The following ELOVL6 variants were observed in gnomAD, a reference collection of about 807,000 sequenced individuals.
ELOVL6 encodes the protein very long chain fatty acid elongase 6.
Under a neutral mutation model 31.7 loss-of-function variants are expected in ELOVL6, and 8 were observed. That is an observed-to-expected ratio of 0.25 (90% CI 0.15 to 0.45). The LOEUF (loss-of-function observed/expected upper bound fraction) is 0.45. Among genes scored for constraint, ELOVL6 ranks in the 20% least tolerant of loss-of-function variants. ELOVL6 has a pLI of 1.00. For missense variants in ELOVL6, 126 were observed against 326.4 expected (o/e 0.39, Z 4.73); for synonymous variants, 101 against 117.7 (o/e 0.86, Z 0.92).
At chr4:110,078,218 A>G (rs1053572867) in intron 2 of ELOVL6, among the ~76,000 whole-genome samples, 5 of 152,354 alleles carry the variant, frequency 3.3e-5, no homozygotes, top group Admixed American at 6.5e-5. Context: ...GACAACATTC[A>G]TATTCAGGAA....
At chr4:110,093,362 A>C (rs1303468048) in intron 2 of ELOVL6, among the ~76,000 whole-genome samples, 1 of 152,216 alleles carries the variant, frequency 6.6e-6, no homozygotes, top group Non-Finnish European at 1.5e-5. Flanking sequence ...TATAAATAGA[A>C]AGGAAAATTA....
intron 2 of ELOVL6, among the ~76,000 whole-genome samples, chr4:110,078,900 C>T (rs1375793389): frequency 6.6e-6 from 1 of 151,970 alleles, no homozygotes; most frequent in Non-Finnish European, 1.5e-5. Context: ...GGAAGATCTA[C>T]CAAGCAAATG....
rs1335309273 is a variant in ELOVL6 at position 110,046,900 on chromosome 4, G to A, written c.*4438C>T. ...AATGTGTATACACTACTGGCCAAAT[G>A]TGGTGGTGGATCTTGGCAAAGTCTC... On this transcript the variant is annotated 3_prime_UTR_variant, in exon 4 of 4. Coordinates refer to ENST00000302274, the MANE Select transcript of ELOVL6 (RefSeq NM_024090.3). 2 of 152,222 alleles carry A rather than the reference G, an allele frequency of 1.3e-5. No homozygotes were observed. The highest frequency in any genetic ancestry group is 2.9e-5 in the Non-Finnish European group (2 of 68,054). The allele number at this position is 152,222 out of a possible 1,614,324, so 9.4% of individuals were successfully genotyped here.
At chr4:110,190,152 T>G (rs1759571484) in intron 1 of ELOVL6, among the ~76,000 whole-genome samples, 1 of 152,082 alleles carries the variant, frequency 6.6e-6, no homozygotes, top group Admixed American at 6.6e-5. Context: ...TACAAAACTA[T>G]GAGTGATTTT....
intron 2 of ELOVL6, among the ~76,000 whole-genome samples, chr4:110,094,444 AT>A (rs1469518386): frequency 0.27 from 8,775 of 32,712 alleles, 831 homozygotes; most frequent in African/African-American, 0.4. Context: ...TATATATATA[AT>A]ATATATAACA....
intron 1 of ELOVL6, among the ~76,000 whole-genome samples, chr4:110,114,285 C>T (rs1007353018): frequency 6.6e-6 from 1 of 152,014 alleles, no homozygotes; most frequent in African/African-American, 2.4e-5. Flanking sequence ...TTTTATTGGG[C>T]TTGAAGTTAC....
rs564021356 is a variant in ELOVL6 at position 110,159,403 on chromosome 4, G to A, written c.89+38844C>T. 2.6e-5 allele frequency among the ~76,000 whole-genome samples: 4 copies of A among 152,024 alleles called. No homozygotes were observed. The South Asian group carries it at 6.2e-4, about 24-fold the overall frequency. On this transcript the variant is annotated intron_variant, in intron 1 of 3. Transcript: ENST00000302274. ...TTAATCATGTAAAGTAGAAAAAGAA[G>A]TTATCTTTCAATTAAATTTGTATGG... is the stretch of plus-strand genomic sequence containing the variant.
At chr4:110,083,290 C>T (rs1285408939) in intron 2 of ELOVL6, among the ~76,000 whole-genome samples, 1 of 151,660 alleles carries the variant, frequency 6.6e-6, no homozygotes, top group African/African-American at 2.4e-5. Context: ...GCAAGAAGGT[C>T]GTCTTCTGAC....
At chr4:110,177,044 T>C (rs1008499410) in intron 1 of ELOVL6, among the ~76,000 whole-genome samples, 4 of 152,196 alleles carry the variant, frequency 2.6e-5, no homozygotes, top group Admixed American at 1.3e-4. Flanking sequence ...TCTTTGTCAT[T>C]TAAGAGTTGG....
rs773970795 is a variant in ELOVL6, at chr4:110,047,130, G to A, written c.*4208C>T. On this transcript the variant is annotated 3_prime_UTR_variant, in exon 4 of 4. Coordinates refer to ENST00000302274, the MANE Select transcript of ELOVL6 (RefSeq NM_024090.3). ...ATTTGACTACTGGGACATTCTGGGT[G>A]CTTATAAAATTTTGACATGATATTA... is the stretch of plus-strand genomic sequence containing the variant. 1 of 152,110 alleles carries A rather than the reference G, an allele frequency of 6.6e-6. No individual in the cohort carries two copies. Among genetic ancestry groups the A allele is most frequent in the Non-Finnish European group, 1.5e-5 (1 of 68,032 alleles). 9.4% of individuals were successfully genotyped at this position (152,110 alleles called of 1,614,324 possible). A position where few individuals can be genotyped will look rare whatever the true frequency, so the allele number is the denominator to read the frequency against.
At position 110,056,126 on chromosome 4, in the gene ELOVL6, G is replaced by GGGC. The variant is rs1553953520; in HGVS notation, c.373+3476_373+3477insGCC. Reference sequence around the variant, plus strand: ...AGAGTTTGAGTTTGTGGGAGCTGGGGGGGGGGATACAGTTTCAGTACTATA... The same window carrying GGGC: ...AGAGTTTGAGTTTGTGGGAGCTGGGGGGCGGGGGGATACAGTTTCAGTACTATA... On this transcript the variant is annotated intron_variant, in intron 3 of 3. Transcript: ENST00000302274. Among the ~76,000 whole-genome samples, 9 of 145,234 alleles carry GGGC rather than the reference G, an allele frequency of 6.2e-5. No homozygotes were observed. The East Asian group carries it at 1.4e-3, about 23-fold the overall frequency.
At position 110,107,816 on chromosome 4, in the gene ELOVL6, C is replaced by A. The variant is rs551477609; in HGVS notation, c.90-2188G>T. 2.6e-5 allele frequency among the ~76,000 whole-genome samples: 4 copies of A among 152,078 alleles called. No homozygotes were observed. In the South Asian group the frequency reaches 8.3e-4, roughly 32 times the overall value. On this transcript the variant is annotated intron_variant, in intron 1 of 3. Coordinates refer to ENST00000302274, the MANE Select transcript of ELOVL6 (RefSeq NM_024090.3). ...TAAAGGTAATAAGTGACAATAATCACATTATGATTTATAGAGTGATTCCTA... is the reference window on the plus strand; with the variant it reads ...TAAAGGTAATAAGTGACAATAATCAAATTATGATTTATAGAGTGATTCCTA...
At chr4:110,079,322 T>G (rs941064108) in intron 2 of ELOVL6, among the ~76,000 whole-genome samples, 2 of 152,146 alleles carry the variant, frequency 1.3e-5, no homozygotes, top group African/African-American at 2.4e-5. Flanking sequence ...CATTACAAAA[T>G]TGACTGCATA....
intron 2 of ELOVL6, among the ~76,000 whole-genome samples, chr4:110,072,228 A>T (rs537668278): frequency 6.6e-6 from 1 of 152,228 alleles, no homozygotes; most frequent in African/African-American, 2.4e-5. Flanking sequence ...CTGTAATCCC[A>T]GCACTTTGGG....
chr4:110,186,862 C>G (rs1383355628), intron 1 of ELOVL6, among the ~76,000 whole-genome samples: 34 of 123,902 alleles, frequency 2.7e-4, no homozygotes, highest in Non-Finnish European at 4.7e-4. Flanking sequence ...TATACACACA[C>G]AAATATATAC....
chr4:110,072,165 A>T (rs1327645962), intron 2 of ELOVL6, among the ~76,000 whole-genome samples: 2 of 152,232 alleles, frequency 1.3e-5, no homozygotes, highest in Non-Finnish European at 2.9e-5. Context: ...CTTTAAATAA[A>T]AAAATTAAGT....
chr4:110,155,666 A>C (rs28540301), intron 1 of ELOVL6, among the ~76,000 whole-genome samples: 3,274 of 152,252 alleles, frequency 0.022, 118 homozygotes, highest in African/African-American at 0.073. Context: ...AGACAGTTCA[A>C]TATGCATGAT....
chr4:110,105,576 G>A lies in ELOVL6; in HGVS notation c.142C>T (p.Arg48Trp). Reference sequence around the variant, plus strand: ...TTTGCTCGTTTATTCATTAGGTGCCGACCACCGAATATAAAGGCAGCATAC... The same window carrying A: ...TTTGCTCGTTTATTCATTAGGTGCCAACCACCGAATATAAAGGCAGCATAC... ...ALYAAFIFGG[R>W]HLMNKRAKFE... Residue 48 changes from arginine (R) to tryptophan (W), a missense_variant, in exon 2 of 4, where the codon CGG (arginine) becomes TGG (tryptophan). Around this residue, in one of 3 missense-constraint regions of ELOVL6, gnomAD observed 53 missense variants for 193.4 expected, o/e 0.27. Transcript: ENST00000302274. 6.2e-7 allele frequency: 1 copy of A among 1,613,516 alleles called. No homozygotes were observed. The highest frequency in any genetic ancestry group is 1.3e-5 in the African/African-American group (1 of 74,984).
intron 2 of ELOVL6, among the ~76,000 whole-genome samples, chr4:110,084,134 A>ATATAACATAT (rs1372065552): frequency 2.6e-4 from 12 of 45,932 alleles, no homozygotes; most frequent in Non-Finnish European, 3.2e-4. Flanking sequence ...TATATGTGAT[A>ATATAACATAT]ATGATATATA....
Sources: allele counts gnomAD v4.1 joint callset (sites outside exome capture counted in the v4.1 genomes callset), GRCh38; gene constraint gnomAD v4.1.1; regional missense constraint gnomAD v4.1.1; transcripts MANE v1.5; gene names NCBI Gene and HGNC (gene_info 2026-07-23, HGNC 2026-07-21).